KIAA1217: variants seen among roughly 807,000 people sequenced by gnomAD.
KIAA1217 encodes sickle tail protein homolog.
Under a neutral mutation model 163.9 loss-of-function variants are expected in KIAA1217, and 88 were observed. That is an observed-to-expected ratio of 0.54 (90% CI 0.45 to 0.64). The LOEUF (loss-of-function observed/expected upper bound fraction) is 0.64, where lower values mean the gene tolerates loss of function less well. Ranked by LOEUF, KIAA1217 falls within the 30% of genes least tolerant of loss-of-function variation. KIAA1217 has a pLI of 0.00. For missense variants in KIAA1217, 2,372 were observed against 2,475.0 expected, an observed-to-expected ratio of 0.96 and a Z score of 0.88; for synonymous variants, 903 against 923.1, an observed-to-expected ratio of 0.98 and a Z score of 0.39.
chr10:23,715,566 A>G (rs1252870227), intron 1 of KIAA1217, among the ~76,000 whole-genome samples: 1 of 152,164 alleles, frequency 6.6e-6, no homozygotes, highest in Non-Finnish European at 1.5e-5. Context: ...ATGTAGCTAT[A>G]AGATTTTACA....
intron 1 of KIAA1217, among the ~76,000 whole-genome samples, chr10:23,960,659 C>T (rs1844783337): frequency 6.6e-6 from 1 of 152,206 alleles, no homozygotes. Context: ...TCTGCTTCTT[C>T]TGATCCTACT....
At chr10:23,914,612 G>T (rs1842565727) in intron 1 of KIAA1217, among the ~76,000 whole-genome samples, 1 of 152,126 alleles carries the variant, frequency 6.6e-6, no homozygotes, top group South Asian at 2.1e-4. Flanking sequence ...ACCATGGTGG[G>T]CTGGTTCAAA....
chr10:24,188,904 G>A (rs984604787), intron 2 of KIAA1217, among the ~76,000 whole-genome samples: 1 of 151,998 alleles, frequency 6.6e-6, no homozygotes, highest in Non-Finnish European at 1.5e-5. Context: ...AGGAGATCGA[G>A]ACCATCCTGG....
rs1592102436 is a variant in KIAA1217, at chr10:24,457,405, A to G, written c.847-15823A>G. On this transcript the variant is annotated intron_variant, in intron 5 of 20. Transcript: ENST00000376454. ...CGGGGTTTGGGGGGAACAGGATCGT[A>G]TTCTGTCACCCAGGCTGGAGTGCAG... is the stretch of plus-strand genomic sequence containing the variant. Among the ~76,000 whole-genome samples, 4 of 149,712 alleles carry G rather than the reference A, an allele frequency of 2.7e-5. No individual in the cohort carries two copies. The South Asian group carries it at 6.3e-4, about 24-fold the overall frequency.
chr10:24,411,774 TTTCA>T (rs892096334), intron 3 of KIAA1217, among the ~76,000 whole-genome samples: 1 of 152,200 alleles, frequency 6.6e-6, no homozygotes, highest in African/African-American at 2.4e-5. Flanking sequence ...GACTTTTTTT[TTTCA>T]TTCGTGTCAT....
At chr10:23,811,392 G>T (rs919858763) in intron 1 of KIAA1217, among the ~76,000 whole-genome samples, 1 of 150,450 alleles carries the variant, frequency 6.6e-6, no homozygotes, top group African/African-American at 2.4e-5. Flanking sequence ...AAGGGAGTGG[G>T]ACTGGAGAGG....
At chr10:24,489,007 C>A (rs998828062) in intron 6 of KIAA1217, among the ~76,000 whole-genome samples, 4 of 152,138 alleles carry the variant, frequency 2.6e-5, no homozygotes, top group Non-Finnish European at 5.9e-5. Flanking sequence ...TTGATTGACT[C>A]TTTGGCCATG....
At chr10:24,431,643 C>G (rs1254051163) in intron 3 of KIAA1217, among the ~76,000 whole-genome samples, 1 of 152,136 alleles carries the variant, frequency 6.6e-6, no homozygotes, top group East Asian at 1.9e-4. Context: ...AAGGAAACAT[C>G]CCCAAACCAA....
chr10:24,461,441 A>G (rs1204125078), intron 5 of KIAA1217, among the ~76,000 whole-genome samples: 1 of 152,124 alleles, frequency 6.6e-6, no homozygotes, highest in Middle Eastern at 3.2e-3. Flanking sequence ...TGCAGCCTCC[A>G]TCTCCCAGGT....
intron 2 of KIAA1217, among the ~76,000 whole-genome samples, chr10:24,043,819 G>A (rs1459614095): frequency 6.6e-6 from 1 of 152,078 alleles, no homozygotes; most frequent in Non-Finnish European, 1.5e-5. Context: ...TATTCAAAAT[G>A]CTGACCTTTT....
intron 2 of KIAA1217, among the ~76,000 whole-genome samples, chr10:24,118,706 C>CT (rs72027993): frequency 0.26 from 37,463 of 144,624 alleles, 4,696 homozygotes; most frequent in East Asian, 0.39. Flanking sequence ...CCTGGATTTG[C>CT]TTTTTTTTTT....
intron 2 of KIAA1217, among the ~76,000 whole-genome samples, chr10:24,276,670 C>T (rs943948849): frequency 3.3e-5 from 5 of 149,882 alleles, no homozygotes; most frequent in Non-Finnish European, 7.4e-5. Flanking sequence ...AGTGCAGTGG[C>T]GCGATCTCGG....
At chr10:24,441,313 G>A (rs1247896732) in intron 5 of KIAA1217, among the ~76,000 whole-genome samples, 1 of 152,132 alleles carries the variant, frequency 6.6e-6, no homozygotes, top group Non-Finnish European at 1.5e-5. Flanking sequence ...AAACATGCAT[G>A]TCATGAAAAA....
At chr10:24,516,592 G>A (rs943061300) in intron 10 of KIAA1217, among the ~76,000 whole-genome samples, 1 of 152,170 alleles carries the variant, frequency 6.6e-6, no homozygotes, top group African/African-American at 2.4e-5. Flanking sequence ...TGAGTGTTTG[G>A]GTTTGTTTGG....
chr10:24,181,395 C>G (rs2066164506), intron 2 of KIAA1217, among the ~76,000 whole-genome samples: 1 of 152,174 alleles, frequency 6.6e-6, no homozygotes, highest in Admixed American at 6.5e-5. Flanking sequence ...TGGGAAAGAG[C>G]ATGCCCTCTT....
intron 5 of KIAA1217, 125 bp from the exon 6 acceptor site, chr10:24,473,103 A>T: frequency 1.6e-6 from 1 of 632,842 alleles, no homozygotes; most frequent in Non-Finnish European, 2.6e-6. Flanking sequence ...GTAAGGAAAC[A>T]TATTCACAGA....
intron 2 of KIAA1217, among the ~76,000 whole-genome samples, chr10:24,283,162 C>T (rs184648303): frequency 6.6e-6 from 1 of 152,046 alleles, no homozygotes; most frequent in Non-Finnish European, 1.5e-5. Flanking sequence ...GGGCCTTTGA[C>T]TGATAGAGCA....
intron 1 of KIAA1217, among the ~76,000 whole-genome samples, chr10:23,938,893 G>T (rs927702466): frequency 6.6e-6 from 1 of 152,084 alleles, no homozygotes; most frequent in South Asian, 2.1e-4. Flanking sequence ...GAAGAAAGCA[G>T]GGAAATATGA....
chr10:23,792,597 G>A (rs917189790), intron 1 of KIAA1217, among the ~76,000 whole-genome samples: 4 of 151,292 alleles, frequency 2.6e-5, no homozygotes, highest in Admixed American at 2.0e-4. Context: ...GGTTCATGCC[G>A]TTCTCCTGCC....
Sources: allele counts gnomAD v4.1 joint callset (sites outside exome capture counted in the v4.1 genomes callset), GRCh38; gene constraint gnomAD v4.1.1; transcripts MANE v1.5; gene names NCBI Gene and HGNC (gene_info 2026-07-23, HGNC 2026-07-21).